Variants in MAF observed in about 807,000 individuals in gnomAD.
MAF encodes the protein transcription factor Maf.
In MAF, 10 loss-of-function variants were observed where a neutral mutation model predicts 22.0. The ratio of observed to expected loss-of-function variants is 0.45; its 90% CI spans 0.28 to 0.77. The LOEUF (loss-of-function observed/expected upper bound fraction) is 0.77, where lower values mean the gene tolerates loss of function less well. Ranked by LOEUF, MAF falls within the 30% of genes least tolerant of loss-of-function variation. MAF has a pLI of 0.12. For missense variants in MAF, 544 were observed against 548.4 expected (o/e 0.99, Z 0.08); for synonymous variants, 337 against 255.8 (o/e 1.32, Z -3.03).
At chr16:79,553,352 C>T in the MAF span, among the ~76,000 whole-genome samples, 1 of 152,224 alleles carries the variant, frequency 6.6e-6, no homozygotes, top group Non-Finnish European at 1.5e-5. Flanking sequence ...TCTCTGGACC[C>T]CTGGCCCAGA....
rs1018635753 is a variant in MAF at position 79,595,574 on chromosome 16, G to T, written c.1119-1021C>A. 90 of 1,059,554 alleles carry T rather than the reference G, an allele frequency of 8.5e-5. No individual in the cohort carries two copies. The African/African-American group carries it at 1.3e-3, about 16-fold the overall frequency. The allele number at this position is 1,059,554 out of a possible 1,614,324, so 65.6% of individuals were successfully genotyped here. A position where few individuals can be genotyped will look rare whatever the true frequency, so the allele number is the denominator to read the frequency against. On this transcript the variant is annotated intron_variant, in intron 1 of 1. Coordinates refer to ENST00000326043, the MANE Select transcript of MAF (RefSeq NM_005360.5). The stretch of plus-strand genomic sequence containing the variant: ...TTTGTAACATTAGTTTCATGAATTT[G>T]TGTCATTTAAAAATAGGTCAGCGCT...
the MAF span, among the ~76,000 whole-genome samples, chr16:79,415,677 C>A: frequency 3.1e-4 from 47 of 151,992 alleles, no homozygotes; most frequent in African/African-American, 1.0e-3. Context: ...CTCTAGGCCT[C>A]CACCCCTCCC....
At chr16:79,414,726 A>G in the MAF span, among the ~76,000 whole-genome samples, 1 of 152,236 alleles carries the variant, frequency 6.6e-6, no homozygotes, top group East Asian at 1.9e-4. Context: ...TGCAGCTGGG[A>G]GCCAAGATCA....
chr16:79,216,291 G>A, the MAF span, among the ~76,000 whole-genome samples: 106 of 152,188 alleles, frequency 7.0e-4, no homozygotes, highest in African/African-American at 2.3e-3. Context: ...TAAAACACAG[G>A]CATTATAGAT....
the MAF span, among the ~76,000 whole-genome samples, chr16:79,253,584 T>C: frequency 6.6e-6 from 1 of 152,120 alleles, no homozygotes; most frequent in Non-Finnish European, 1.5e-5. Context: ...TGTATGTGCA[T>C]GCGGGAGGGT....
intron 1 of MAF, chr16:79,594,764 A>T: frequency 1.5e-6 from 2 of 1,355,426 alleles, no homozygotes; most frequent in Non-Finnish European, 1.9e-6. Flanking sequence ...CAAAGTTTTC[A>T]GTAATTGTTA....
the MAF span, among the ~76,000 whole-genome samples, chr16:79,333,163 T>A: frequency 1.3e-5 from 2 of 152,238 alleles, no homozygotes; most frequent in East Asian, 1.9e-4. Context: ...GTGATGGCGG[T>A]CCTGGCTCTG....
At chr16:79,320,929 C>G in the MAF span, among the ~76,000 whole-genome samples, 2 of 152,166 alleles carry the variant, frequency 1.3e-5, no homozygotes, top group Non-Finnish European at 2.9e-5. Context: ...AAGAAACAGT[C>G]TGAGATCACA....
chr16:79,573,278 T>C, the MAF span, among the ~76,000 whole-genome samples: 1 of 152,246 alleles, frequency 6.6e-6, no homozygotes, highest in African/African-American at 2.4e-5. Context: ...AATGCTTATG[T>C]CATCAAACTT....
chr16:79,510,658 T>G, the MAF span, among the ~76,000 whole-genome samples: 1 of 152,158 alleles, frequency 6.6e-6, no homozygotes, highest in Non-Finnish European at 1.5e-5. Flanking sequence ...AAGCACACAA[T>G]AGGGACAGCT....
chr16:79,225,586 G>A, the MAF span, among the ~76,000 whole-genome samples: 4 of 152,070 alleles, frequency 2.6e-5, no homozygotes, highest in Non-Finnish European at 4.4e-5. Flanking sequence ...AGAGTGAACA[G>A]GAAACCTACA....
chr16:79,288,495 TACATCACTGA>T, the MAF span, among the ~76,000 whole-genome samples: 1 of 152,140 alleles, frequency 6.6e-6, no homozygotes, highest in Non-Finnish European at 1.5e-5. Context: ...TTTAGCTCCA[TACATCACTGA>T]ACAAAGCAAA....
the MAF span, among the ~76,000 whole-genome samples, chr16:79,237,482 A>G: frequency 6.6e-6 from 1 of 152,078 alleles, no homozygotes; most frequent in Admixed American, 6.6e-5. Context: ...GGTTGGTTGG[A>G]GGATTTCTCC....
chr16:79,340,449 C>G, the MAF span, among the ~76,000 whole-genome samples: 1 of 150,912 alleles, frequency 6.6e-6, no homozygotes, highest in Non-Finnish European at 1.5e-5. Context: ...GTGCCTGGCA[C>G]TGGGAATATA....
the MAF span, chr16:79,204,108 G>C: frequency 6.6e-6 from 1 of 151,892 alleles, no homozygotes; most frequent in Non-Finnish European, 1.5e-5. Flanking sequence ...ACTTCTGCTT[G>C]GCTATTTCAA....
chr16:79,464,550 G>A, the MAF span, among the ~76,000 whole-genome samples: 2 of 152,182 alleles, frequency 1.3e-5, no homozygotes, highest in Admixed American at 1.3e-4. Flanking sequence ...TTTTCGAAAT[G>A]CTGTACAGAC....
the MAF span, among the ~76,000 whole-genome samples, chr16:79,246,870 T>C: frequency 4.0e-5 from 6 of 151,822 alleles, no homozygotes; most frequent in Non-Finnish European, 7.4e-5. Context: ...TAATTTTCCA[T>C]CTACCTTTCA....
At chr16:79,485,925 T>A in the MAF span, among the ~76,000 whole-genome samples, 1 of 152,130 alleles carries the variant, frequency 6.6e-6, no homozygotes, top group Non-Finnish European at 1.5e-5. Context: ...CAACCAATAA[T>A]GGGATAGATT....
At chr16:79,576,355 A>C in the MAF span, among the ~76,000 whole-genome samples, 2 of 151,872 alleles carry the variant, frequency 1.3e-5, no homozygotes, top group African/African-American at 4.8e-5. Context: ...TGTTCTTGGA[A>C]GTTTGAAAGA....
Sources: gnomAD v4.1 joint callset for allele counts (sites outside exome capture counted in the v4.1 genomes callset) on GRCh38, gnomAD v4.1.1 for gene constraint, MANE v1.5 for transcripts, NCBI Gene and HGNC (gene_info 2026-07-23, HGNC 2026-07-21) for gene names.